MYL11: variants seen among roughly 807,000 people sequenced by gnomAD.
MYL11 encodes myosin light chain 11.
the MYL11 span, chr16:30,377,716 G>T: frequency 4.4e-6 from 7 of 1,580,130 alleles, no homozygotes; most frequent in Non-Finnish European, 6.1e-6. Context: ...AGTGGGGACC[G>T]GGGCGGGGCC....
chr16:30,375,805 A>T, the MYL11 span: 1 of 1,612,154 alleles, frequency 6.2e-7, no homozygotes. Context: ...CCTTTGTTCA[A>T]CCCTCACCCT....
the MYL11 span, chr16:30,375,987 T>G: frequency 1.3e-6 from 2 of 1,536,518 alleles, no homozygotes; most frequent in Non-Finnish European, 1.8e-6. Context: ...AATGTGCACC[T>G]GCTTGAAGGA....
At chr16:30,373,899 C>G in the MYL11 span, among the ~76,000 whole-genome samples, 1 of 152,152 alleles carries the variant, frequency 6.6e-6, no homozygotes, top group East Asian at 1.9e-4. Flanking sequence ...TGACTATGAA[C>G]TCCACCATGT....
At chr16:30,375,626 G>A in the MYL11 span, among the ~76,000 whole-genome samples, 1 of 152,146 alleles carries the variant, frequency 6.6e-6, no homozygotes, top group Admixed American at 6.6e-5. Context: ...GGAGACCCAG[G>A]AGCCACAGAC....
chr16:30,376,030 C>T, the MYL11 span: 1 of 1,489,800 alleles, frequency 6.7e-7, no homozygotes, highest in East Asian at 2.3e-5. Flanking sequence ...CCTCCCCTCT[C>T]TGCTTGGGGT....
chr16:30,375,876 C>A, the MYL11 span: 1 of 1,614,122 alleles, frequency 6.2e-7, no homozygotes, highest in East Asian at 2.2e-5. Flanking sequence ...GCGTCTTCTC[C>A]ATGTTCGACC....
At chr16:30,377,906 C>G in the MYL11 span, 2 of 1,599,790 alleles carry the variant, frequency 1.3e-6, no homozygotes, top group African/African-American at 1.3e-5. Context: ...AGTAGGGGCA[C>G]CCGCGGGCCT....
the MYL11 span, chr16:30,376,750 C>T: frequency 2.8e-4 from 436 of 1,541,840 alleles, 1 homozygote; most frequent in Admixed American, 7.1e-3. Context: ...CCACCAGCTG[C>T]TCCCACACTG....
the MYL11 span, chr16:30,377,723 G>A: frequency 6.3e-7 from 1 of 1,586,180 alleles, no homozygotes; most frequent in Non-Finnish European, 8.6e-7. Flanking sequence ...ACCGGGGCGG[G>A]GCCGGAGCAG....
the MYL11 span, among the ~76,000 whole-genome samples, chr16:30,371,973 C>T: frequency 3.3e-5 from 5 of 152,320 alleles, no homozygotes; most frequent in South Asian, 1.0e-3. Flanking sequence ...TGAGACCTAG[C>T]TCCCGACTTC....
chr16:30,372,846 C>T, the MYL11 span: 1 of 151,760 alleles, frequency 6.6e-6, no homozygotes. Flanking sequence ...CAATTCTGGC[C>T]ACCTGAACAC....
chr16:30,376,272 A>T, the MYL11 span: 1 of 1,598,052 alleles, frequency 6.3e-7, no homozygotes, highest in Non-Finnish European at 8.6e-7. Context: ...AGTCTAGGAA[A>T]TTCAGTGGCC....
At chr16:30,377,154 A>G in the MYL11 span, among the ~76,000 whole-genome samples, 1 of 152,054 alleles carries the variant, frequency 6.6e-6, no homozygotes, top group Non-Finnish European at 1.5e-5. Context: ...CGGAGGTTGC[A>G]GTGAGCCAAG....
the MYL11 span, among the ~76,000 whole-genome samples, chr16:30,376,935 G>A: frequency 2.0e-5 from 3 of 152,272 alleles, no homozygotes; most frequent in African/African-American, 4.8e-5. Flanking sequence ...TGGGCTGGCC[G>A]GGCACAGTGG....
the MYL11 span, chr16:30,374,774 T>C: frequency 2.6e-6 from 4 of 1,556,986 alleles, no homozygotes; most frequent in Admixed American, 7.5e-5. Flanking sequence ...GGCAGGACTA[T>C]ATAACCCCAG....
At chr16:30,371,797 C>A in the MYL11 span, among the ~76,000 whole-genome samples, 1 of 152,200 alleles carries the variant, frequency 6.6e-6, no homozygotes, top group African/African-American at 2.4e-5. Flanking sequence ...TCATGTTCCA[C>A]TGAGAATCCC....
the MYL11 span, chr16:30,374,891 A>G: frequency 6.2e-7 from 1 of 1,612,372 alleles, no homozygotes. Context: ...CCCTGCCCAG[A>G]TCCCTTAGAC....
At chr16:30,377,977 G>T in the MYL11 span, 4 of 1,432,444 alleles carry the variant, frequency 2.8e-6, no homozygotes, top group East Asian at 2.3e-5. Context: ...AAATTTAACT[G>T]ATCTTTGTTT....
chr16:30,371,727 G>A, the MYL11 span, among the ~76,000 whole-genome samples: 4 of 152,006 alleles, frequency 2.6e-5, no homozygotes, highest in Admixed American at 1.3e-4. Flanking sequence ...TTCTTTTGGG[G>A]ATCCAAGGCC....
Sources: allele counts gnomAD v4.1 joint callset (sites outside exome capture counted in the v4.1 genomes callset), GRCh38; gene constraint gnomAD v4.1.1; transcripts MANE v1.5; gene names NCBI Gene and HGNC (gene_info 2026-07-23, HGNC 2026-07-21).